The following PARD3B variants were observed in gnomAD, a reference collection of about 807,000 sequenced individuals.
PARD3B encodes par-3 family cell polarity regulator beta.
A neutral mutation model predicts 130.2 loss-of-function variants in PARD3B; 103 were observed. That is an observed-to-expected ratio of 0.79 (90% CI 0.67 to 0.93). PARD3B has a LOEUF of 0.93. Ranked by LOEUF, PARD3B falls within the 40% of genes least tolerant of loss-of-function variation. The pLI is 0.00. For missense variants in PARD3B, 1,609 were observed against 1,499.2 expected, an observed-to-expected ratio of 1.07 and a Z score of -1.21; for synonymous variants, 583 against 553.2, an observed-to-expected ratio of 1.05 and a Z score of -0.76.
At chr2:205,016,682 A>G (rs1011637349) in intron 3 of PARD3B, among the ~76,000 whole-genome samples, 2 of 152,144 alleles carry the variant, frequency 1.3e-5, no homozygotes, top group African/African-American at 4.8e-5. Context: ...ATGGTTTGCA[A>G]GGCATTGCTC....
rs879436970 is a variant in PARD3B at position 204,906,983 on chromosome 2, CT to C, written c.223-58159del. Among the ~76,000 whole-genome samples, 5 of 149,096 alleles carry C rather than the reference CT, an allele frequency of 3.4e-5. No homozygotes were observed. Among genetic ancestry groups the C allele is most frequent in the Admixed American group, 6.7e-5 (1 of 14,944 alleles). On this transcript the variant is annotated intron_variant, in intron 2 of 22. Transcript: ENST00000406610. This position sits in a 1 kb window ranked among gnomAD's most constrained non-coding sequence, Gnocchi z 4.3. Reference sequence around the variant, plus strand: ...GATTTTTAAGTGGAAAACATGAAAGCTTTTTTTTTTCTTTTCAGACTGAGTC... The same window carrying C: ...GATTTTTAAGTGGAAAACATGAAAGCTTTTTTTTTCTTTTCAGACTGAGTC...
At chr2:204,831,936 T>C (rs1179016776) in intron 2 of PARD3B, among the ~76,000 whole-genome samples, 1 of 152,176 alleles carries the variant, frequency 6.6e-6, no homozygotes, top group Non-Finnish European at 1.5e-5. Flanking sequence ...AGTTATTTTA[T>C]TCACCTTAAA....
chr2:204,572,665 G>T (rs183321881), intron 1 of PARD3B, among the ~76,000 whole-genome samples: 1 of 152,056 alleles, frequency 6.6e-6, no homozygotes, highest in African/African-American at 2.4e-5. Flanking sequence ...TTAGTTGTTT[G>T]GTCCTTTAAG....
intron 2 of PARD3B, among the ~76,000 whole-genome samples, chr2:204,700,837 T>C (rs1162124555): frequency 6.6e-6 from 1 of 152,078 alleles, no homozygotes; most frequent in African/African-American, 2.4e-5. Flanking sequence ...CTTTTGTTTG[T>C]TTTTTCCTTT....
At chr2:205,177,831 A>G (rs886730797) in intron 13 of PARD3B, among the ~76,000 whole-genome samples, 2 of 152,190 alleles carry the variant, frequency 1.3e-5, no homozygotes, top group South Asian at 2.1e-4. Context: ...CATTTTACAA[A>G]TGAAGGTCTA....
chr2:205,543,899 T>C (rs2052275910), intron 21 of PARD3B, among the ~76,000 whole-genome samples: 1 of 152,236 alleles, frequency 6.6e-6, no homozygotes, highest in African/African-American at 2.4e-5. Context: ...ACCTAAAATA[T>C]GCTAGAGAGC....
chr2:204,596,273 C>T (rs887093022), intron 1 of PARD3B, among the ~76,000 whole-genome samples: 7 of 152,122 alleles, frequency 4.6e-5, no homozygotes, highest in African/African-American at 1.7e-4. Context: ...CCACAAGTAT[C>T]CATCATCCAG....
rs1022911181 is a variant in PARD3B, at chr2:204,623,992, T to C, written c.121-62189T>C. On this transcript the variant is annotated intron_variant, in intron 1 of 22. Coordinates refer to ENST00000406610, the MANE Select transcript of PARD3B (RefSeq NM_001302769.2). This position sits in a 1 kb window ranked among gnomAD's most constrained non-coding sequence, Gnocchi z 4.5. Reference sequence around the variant, plus strand: ...TTGGCAGGACTTTCTTTTTAGAGGCTGCATAATATTCCATGGTATGTATAT... The same window carrying C: ...TTGGCAGGACTTTCTTTTTAGAGGCCGCATAATATTCCATGGTATGTATAT... 6.6e-6 allele frequency among the ~76,000 whole-genome samples: 1 copy of C among 152,190 alleles called. No homozygotes were observed. The highest frequency in any genetic ancestry group is 1.5e-5 in the Non-Finnish European group (1 of 68,032).
At position 205,369,594 on chromosome 2, in the gene PARD3B, A is replaced by G. The variant is rs1424659450; in HGVS notation, c.2631-31419A>G. The stretch of plus-strand genomic sequence containing the variant: ...CTTCAGTCTGGAACTATCCTGTAAA[A>G]ATAGAGTTAAAGAAAAATTTCTTCC... On this transcript the variant is annotated intron_variant, in intron 18 of 22. Coordinates refer to ENST00000406610, the MANE Select transcript of PARD3B (RefSeq NM_001302769.2). Among the ~76,000 whole-genome samples the G allele has an allele frequency of 2.0e-5, 3 of 152,188 alleles. No homozygotes were observed. In the East Asian group the frequency reaches 5.8e-4, roughly 29 times the overall value.
At chr2:204,854,011 T>C (rs1030102700) in intron 2 of PARD3B, among the ~76,000 whole-genome samples, 8 of 151,956 alleles carry the variant, frequency 5.3e-5, no homozygotes, top group African/African-American at 1.5e-4. Context: ...AAAATAGCAA[T>C]GGAAGAGCAA....
In PARD3B at chr2:204,729,553, G is replaced by A. The variant is rs551445265; in HGVS notation, c.222+43271G>A. On this transcript the variant is annotated intron_variant, in intron 2 of 22. Coordinates refer to ENST00000406610, the MANE Select transcript of PARD3B (RefSeq NM_001302769.2). ...AAATGTGATACCGAGCAGACATCTCGTGTCTCAAAGTGTTAATATATCAAT... is the reference window on the plus strand; with the variant it reads ...AAATGTGATACCGAGCAGACATCTCATGTCTCAAAGTGTTAATATATCAAT... Among the ~76,000 whole-genome samples, 79 of 152,222 alleles carry A rather than the reference G, an allele frequency of 5.2e-4. No homozygotes were observed. The Middle Eastern group carries it at 0.014, about 26-fold the overall frequency.
chr2:205,345,136 G>A (rs1273495201), intron 18 of PARD3B, among the ~76,000 whole-genome samples: 1 of 152,122 alleles, frequency 6.6e-6, no homozygotes, highest in African/African-American at 2.4e-5. Context: ...AGATTAACAA[G>A]AGAAAAGCAT....
intron 2 of PARD3B, among the ~76,000 whole-genome samples, chr2:204,909,650 C>T (rs945252874): frequency 5.9e-5 from 9 of 152,144 alleles, no homozygotes; most frequent in Admixed American, 2.6e-4. Context: ...TAGTACCTAC[C>T]AGTAAGCTTA....
chr2:205,516,838 G>A (rs573544800), intron 21 of PARD3B, among the ~76,000 whole-genome samples: 1 of 152,176 alleles, frequency 6.6e-6, no homozygotes, highest in South Asian at 2.1e-4. Context: ...TTCTTGTCTT[G>A]TGACAGATTT....
intron 16 of PARD3B, among the ~76,000 whole-genome samples, chr2:205,249,811 CTTTG>C (rs1053206808): frequency 1.3e-5 from 2 of 151,938 alleles, no homozygotes. Flanking sequence ...ATAAAATACC[CTTTG>C]TTTGGTTCCT....
chr2:205,018,648 T>G (rs1441505013), intron 3 of PARD3B, among the ~76,000 whole-genome samples: 1 of 146,792 alleles, frequency 6.8e-6, no homozygotes, highest in East Asian at 2.0e-4. Flanking sequence ...GAGCCTCGTT[T>G]TTCTTGACCC....
chr2:204,821,290 G>A (rs2043341853), intron 2 of PARD3B, among the ~76,000 whole-genome samples: 1 of 151,984 alleles, frequency 6.6e-6, no homozygotes, highest in Admixed American at 6.6e-5. Flanking sequence ...TTTAAAAATG[G>A]GAACCAACCC....
At chr2:204,645,989 T>G (rs1025593324) in intron 1 of PARD3B, among the ~76,000 whole-genome samples, 1 of 152,156 alleles carries the variant, frequency 6.6e-6, no homozygotes. Flanking sequence ...CTATAATGTG[T>G]CTCTCTTCCT....
At chr2:204,915,350 C>T (rs2125735691) in intron 2 of PARD3B, among the ~76,000 whole-genome samples, 1 of 152,064 alleles carries the variant, frequency 6.6e-6, no homozygotes, top group African/African-American at 2.4e-5. Context: ...AAGCCTTCTC[C>T]CAAAATGAAG....
Sources: gnomAD v4.1 joint callset for allele counts (sites outside exome capture counted in the v4.1 genomes callset) on GRCh38, gnomAD v4.1.1 for gene constraint, Gnocchi (gnomAD v3.1) non-coding constraint, MANE v1.5 for transcripts, NCBI Gene and HGNC (gene_info 2026-07-23, HGNC 2026-07-21) for gene names.